PFKP: variants seen among roughly 807,000 people sequenced by gnomAD.
PFKP encodes the protein ATP-dependent 6-phosphofructokinase, platelet type.
PFKP carries 101 observed loss-of-function variants against 94.3 expected under a neutral mutation model. The ratio of observed to expected loss-of-function variants is 1.07; its 90% CI spans 0.91 to 1.26. PFKP has a LOEUF of 1.26. Among genes scored for constraint, PFKP ranks in the 50% most tolerant of loss-of-function variants. The pLI is 0.00. For missense variants in PFKP, 1,145 were observed against 1,103.3 expected (o/e 1.04, Z -0.53); for synonymous variants, 573 against 432.6 (o/e 1.32, Z -4.03).
intron 2 of PFKP, among the ~76,000 whole-genome samples, chr10:3,091,518 C>G (rs1834037042): frequency 6.6e-6 from 1 of 152,132 alleles, no homozygotes; most frequent in African/African-American, 2.4e-5. Context: ...TCAAATATGA[C>G]TCACTTAAGA....
At chr10:3,134,921 A>G (rs1301574958) in intron 20 of PFKP, among the ~76,000 whole-genome samples, 1 of 152,198 alleles carries the variant, frequency 6.6e-6, no homozygotes, top group Non-Finnish European at 1.5e-5. Context: ...AATGTTTGCT[A>G]GGACAACCTC....
At chr10:3,078,289 G>A (rs747976961) in intron 1 of PFKP, among the ~76,000 whole-genome samples, 17 of 152,146 alleles carry the variant, frequency 1.1e-4, no homozygotes, top group South Asian at 2.1e-4. Flanking sequence ...GCACGTCTTC[G>A]TCCCTGTCCT....
At chr10:3,082,134 C>G (rs1320450574) in intron 1 of PFKP, among the ~76,000 whole-genome samples, 3 of 151,948 alleles carry the variant, frequency 2.0e-5, no homozygotes, top group Non-Finnish European at 4.4e-5. Flanking sequence ...AATGGAGTGG[C>G]CTACAAATTC....
intron 7 of PFKP, among the ~76,000 whole-genome samples, chr10:3,106,636 CCCCTCTCCT>C (rs1252494907): frequency 1.9e-4 from 14 of 74,084 alleles, no homozygotes; most frequent in East Asian, 1.6e-3. Flanking sequence ...TTCACCCCTG[CCCCTCTCCT>C]CACCCCTGCC....
intron 1 of PFKP, among the ~76,000 whole-genome samples, chr10:3,077,575 CT>C (rs144293480): frequency 6.7e-6 from 1 of 148,606 alleles, no homozygotes; most frequent in African/African-American, 2.5e-5. Context: ...CTATTCCTTA[CT>C]TTTTAAAAAA....
chr10:3,068,941 C>A (rs1421925038), intron 1 of PFKP, among the ~76,000 whole-genome samples: 1 of 152,188 alleles, frequency 6.6e-6, no homozygotes, highest in African/African-American at 2.4e-5. Flanking sequence ...GGGATGCACC[C>A]CCTGCCCACT....
intron 2 of PFKP, among the ~76,000 whole-genome samples, chr10:3,087,981 A>ATTCTTTT (rs1564280035): frequency 1.1e-4 from 5 of 44,072 alleles, no homozygotes; most frequent in East Asian, 1.0e-3. Flanking sequence ...TGTATCTTTC[A>ATTCTTTT]TTCTTTTTTT....
At chr10:3,091,367 G>A (rs1834026095) in intron 2 of PFKP, among the ~76,000 whole-genome samples, 1 of 152,102 alleles carries the variant, frequency 6.6e-6, no homozygotes, top group Admixed American at 6.5e-5. Flanking sequence ...GCTGGGGCGA[G>A]TCAGTTGGTT....
chr10:3,118,284 T>A (rs1837028949), intron 14 of PFKP, among the ~76,000 whole-genome samples: 1 of 152,028 alleles, frequency 6.6e-6, no homozygotes, highest in African/African-American at 2.4e-5. Context: ...CTGGCCAACA[T>A]GGTGAAACCC....
intron 13 of PFKP, 57 bp downstream of exon 13, chr10:3,113,575 C>A: frequency 6.5e-7 from 1 of 1,536,280 alleles, no homozygotes; most frequent in Non-Finnish European, 8.8e-7. Flanking sequence ...GCACAGTGGA[C>A]GTGGCGGCGG....
intron 15 of PFKP, 112 bp from the exon 16 acceptor site, chr10:3,119,780 C>CGTCT: frequency 1.8e-6 from 1 of 558,096 alleles, no homozygotes. Flanking sequence ...TCGTGATGCC[C>CGTCT]CAGTGTGCTC....
rs143563000 is a variant in PFKP at position 3,136,611 on chromosome 10, C to A, written c.*32C>A. On this transcript the variant is annotated 3_prime_UTR_variant, in exon 22 of 22. Coordinates refer to ENST00000381125, the MANE Select transcript of PFKP (RefSeq NM_002627.5). ...CCCGCCTGCATGTGCCTGCAGCCAC[C>A]GTGGACTGTCTGTTTTTGTAACACT... The A allele has an allele frequency of 2.5e-6, 4 of 1,606,838 alleles. No individual in the cohort carries two copies. The South Asian group carries it at 3.3e-5, about 13-fold the overall frequency.
At chr10:3,123,717 G>A (rs552045770) in intron 16 of PFKP, among the ~76,000 whole-genome samples, 30 of 152,386 alleles carry the variant, frequency 2.0e-4, no homozygotes, top group Non-Finnish European at 2.6e-4. Flanking sequence ...CCCACGTGGC[G>A]GTGCTGAGGG....
At chr10:3,107,894 G>GGGGCTGC in intron 8 of PFKP, 2 of 1,289,434 alleles carry the variant, frequency 1.6e-6, no homozygotes, top group Non-Finnish European at 2.0e-6. Flanking sequence ...TGCTGTAGAC[G>GGGGCTGC]GGGCTGCAGG....
intron 16 of PFKP, 92 bp from the exon 17 acceptor site, chr10:3,129,727 G>T (rs981228873): frequency 4.1e-5 from 56 of 1,359,222 alleles, no homozygotes; most frequent in Non-Finnish European, 5.4e-5. Flanking sequence ...CGCGGTGGGG[G>T]GGCCTTGCTG....
chr10:3,124,583 C>T (rs78262828), intron 16 of PFKP, among the ~76,000 whole-genome samples: 13,837 of 152,264 alleles, frequency 0.091, 821 homozygotes, highest in Non-Finnish European at 0.13. Context: ...CACCGGTAAT[C>T]CAGCTGCATG....
rs146994605 is a variant in PFKP at position 3,105,441 on chromosome 10, C to T, written c.714C>T (p.Phe238=). The change falls in exon 7 of 22, where the codon TTC becomes TTT. Residue 238 remains phenylalanine (F), a synonymous_variant. Transcript: ENST00000381125. ...TGGCCTGCGGTGCGGACTGGGTGTT[C>T]CTTCCAGAATCTCCACCAGAGGAAG... ...SALACGADWV[F]LPESPPEEGW... is the part of the protein sequence containing the mutation. The T allele has an allele frequency of 7.5e-5, 121 of 1,613,888 alleles. No homozygotes were observed. The African/African-American group carries it at 1.6e-3, about 21-fold the overall frequency.
At position 3,108,763 on chromosome 10, in the gene PFKP, A is replaced by G; in HGVS notation, c.933A>G (p.Gly311=). ...CCATCCTCGGGCACGTGCAGAGAGGAGGGACCCCTTCGGCATTCGACAGGA... is the reference window on the plus strand; with the variant it reads ...CCATCCTCGGGCACGTGCAGAGAGGGGGGACCCCTTCGGCATTCGACAGGA... ...RVTILGHVQR[G]GTPSAFDRIL... The change falls in exon 9 of 22, where the codon GGA becomes GGG. Residue 311 remains glycine (G), a synonymous_variant. Coordinates refer to ENST00000381125, the MANE Select transcript of PFKP (RefSeq NM_002627.5). 1 of 1,613,538 alleles carries G rather than the reference A, an allele frequency of 6.2e-7. No individual in the cohort carries two copies. Among genetic ancestry groups the G allele is most frequent in the Non-Finnish European group, 8.5e-7 (1 of 1,179,646 alleles).
chr10:3,073,973 G>T (rs1832393327), intron 1 of PFKP, among the ~76,000 whole-genome samples: 1 of 152,148 alleles, frequency 6.6e-6, no homozygotes, highest in Admixed American at 6.5e-5. Context: ...AAGTAGCTGG[G>T]ATTACAGGCA....
Sources: allele counts gnomAD v4.1 joint callset (sites outside exome capture counted in the v4.1 genomes callset), GRCh38; gene constraint gnomAD v4.1.1; transcripts MANE v1.5; gene names NCBI Gene and HGNC (gene_info 2026-07-23, HGNC 2026-07-21).